The following ATXN7L1 variants were observed in gnomAD, a reference collection of about 807,000 sequenced individuals.
ATXN7L1 encodes the protein ataxin 7 like 1.
In ATXN7L1, 15 loss-of-function variants were observed where a neutral mutation model predicts 70.8. That is an observed-to-expected ratio of 0.21 (90% CI 0.14 to 0.33). The LOEUF is 0.33. ATXN7L1 is among the 10% of genes least tolerant of loss of function. The pLI is 1.00. For missense variants in ATXN7L1, 975 were observed against 1,097.1 expected (o/e 0.89, Z 1.57); for synonymous variants, 440 against 445.1 (o/e 0.99, Z 0.14).
chr7:105,733,865 T>TCCAC (rs1563049708), intron 3 of ATXN7L1, among the ~76,000 whole-genome samples: 1 of 87,940 alleles, frequency 1.1e-5, no homozygotes. Flanking sequence ...CATCCATCCA[T>TCCAC]CCATCCATCC....
chr7:105,619,249 G>A (rs928915222), intron 9 of ATXN7L1, among the ~76,000 whole-genome samples: 1 of 142,358 alleles, frequency 7.0e-6, no homozygotes, highest in East Asian at 2.2e-4. Context: ...CCGGGTTCAA[G>A]CGATTCTCCT....
intron 3 of ATXN7L1, among the ~76,000 whole-genome samples, chr7:105,739,121 GA>G (rs1797729030): frequency 1.3e-5 from 2 of 152,180 alleles, no homozygotes; most frequent in South Asian, 4.1e-4. Context: ...CAGAGGTGTG[GA>G]AATCTTCAGG....
chr7:105,819,389 C>T, intron 2 of ATXN7L1: 3 of 489,406 alleles, frequency 6.1e-6, no homozygotes, highest in South Asian at 6.1e-5. Flanking sequence ...GGATATTTAA[C>T]AATAAAAAAT....
chr7:105,757,738 C>A (rs1474400767), intron 3 of ATXN7L1, among the ~76,000 whole-genome samples: 1 of 147,820 alleles, frequency 6.8e-6, no homozygotes, highest in Non-Finnish European at 1.5e-5. Flanking sequence ...ATGCAAAACC[C>A]CGCCTGGCTA....
At chr7:105,823,683 G>T (rs1810468871) in intron 2 of ATXN7L1, among the ~76,000 whole-genome samples, 1 of 152,152 alleles carries the variant, frequency 6.6e-6, no homozygotes, top group Non-Finnish European at 1.5e-5. Context: ...TAAAATGATG[G>T]TAAAGAAGTG....
chr7:105,655,781 C>T (rs902337007), intron 4 of ATXN7L1, among the ~76,000 whole-genome samples: 3 of 152,232 alleles, frequency 2.0e-5, no homozygotes, highest in African/African-American at 7.2e-5. Context: ...CTTACACTCC[C>T]TCAGCCCCAG....
At chr7:105,738,822 C>A (rs1015387189) in intron 3 of ATXN7L1, among the ~76,000 whole-genome samples, 2 of 152,208 alleles carry the variant, frequency 1.3e-5, no homozygotes, top group African/African-American at 2.4e-5. Context: ...ACCTTTGCAT[C>A]CCATCCAGTT....
chr7:105,620,170 T>C (rs1197972403), intron 9 of ATXN7L1, 30 bp downstream of exon 9: 1 of 1,549,632 alleles, frequency 6.5e-7, no homozygotes, highest in Non-Finnish European at 8.7e-7. Context: ...GCAGCTTGGA[T>C]CTTATATTGC....
chr7:105,662,082 C>CCTTCCTTCCTTCCTTCTTTCT (rs1554414718), intron 4 of ATXN7L1, among the ~76,000 whole-genome samples: 1 of 78,820 alleles, frequency 1.3e-5, no homozygotes. Context: ...TTCCTTCCTT[C>CCTTCCTTCCTTCCTTCTTTCT]TTTCTTTTCT....
At position 105,607,735 on chromosome 7, in the gene ATXN7L1, G is replaced by T; in HGVS notation, c.*117C>A. Reference sequence around the variant, plus strand: ...GAAGAAGAAAGGCCAGAGTCACAGGGAGTGCACAGAAAACAGACTCTCCCC... The same window carrying T: ...GAAGAAGAAAGGCCAGAGTCACAGGTAGTGCACAGAAAACAGACTCTCCCC... On this transcript the variant is annotated 3_prime_UTR_variant, in exon 12 of 12. Transcript: ENST00000419735. 1.2e-6 allele frequency: 1 copy of T among 845,376 alleles called. No homozygotes were observed. Among genetic ancestry groups the T allele is most frequent in the South Asian group, 1.6e-5 (1 of 63,996 alleles). The allele number at this position is 845,376 out of a possible 1,614,324, so 52.4% of individuals were successfully genotyped here. A position where few individuals can be genotyped will look rare whatever the true frequency, so the allele number is the denominator to read the frequency against.
In ATXN7L1 at chr7:105,614,913, C is replaced by T. The variant is rs1793646901; in HGVS notation, c.1518-97G>A. ...GTTTGAGGATCAGGGCTACAGAGGA[C>T]ACCCCGGCAGAACCAGACTATGGAG... On this transcript the variant is annotated intron_variant, in intron 9 of 11. Transcript: ENST00000419735. The surrounding 1 kb of genome is among the most constrained non-coding windows in gnomAD (Gnocchi z 4.3). 3 of 1,389,520 alleles carry T rather than the reference C, an allele frequency of 2.2e-6. No individual in the cohort carries two copies. The highest frequency in any genetic ancestry group is 1.5e-5 in the African/African-American group (1 of 68,828). The allele number at this position is 1,389,520 out of a possible 1,614,324, so 86.1% of individuals were successfully genotyped here.
In ATXN7L1 at chr7:105,619,112, T is replaced by C. The variant is rs376922531; in HGVS notation, c.1517+1088A>G. 2.0e-4 allele frequency among the ~76,000 whole-genome samples: 28 copies of C among 141,090 alleles called. No homozygotes were observed. In the East Asian group the frequency reaches 2.6e-3, roughly 13 times the overall value. 92.6% of individuals were successfully genotyped at this position (141,090 alleles called of 152,430 possible). A position where few individuals can be genotyped will look rare whatever the true frequency, so the allele number is the denominator to read the frequency against. On this transcript the variant is annotated intron_variant, in intron 9 of 11. Transcript: ENST00000419735. ...ACAGCAAACAACTAGAAATTAGCAA[T>C]TGGTCCACAACCATAATGAAATCTT... is the stretch of plus-strand genomic sequence containing the variant.
intron 3 of ATXN7L1, among the ~76,000 whole-genome samples, chr7:105,782,732 A>G (rs575551798): frequency 2.0e-5 from 3 of 152,250 alleles, no homozygotes; most frequent in Non-Finnish European, 2.9e-5. Context: ...ATAGGGGCCT[A>G]ATGTGAATGT....
Position 105,607,873 on chromosome 7 carries a change from G to A in ATXN7L1, c.2565C>T (p.Gly855=), listed in dbSNP as rs1792826598. ...CTTGTTATGGAAGAGTCCTTATCCT[G>A]CCCGTTCTGTTTGTGTTCTTCTAGG... The part of the protein sequence containing the change: ...GHSRQNTNRT[G]RIRTLP The change falls in exon 12 of 12, where the codon GGC becomes GGT. Residue 855 remains glycine, a synonymous_variant. Coordinates refer to ENST00000419735, the MANE Select transcript of ATXN7L1 (RefSeq NM_020725.2). The A allele has an allele frequency of 1.3e-6, 2 of 1,551,794 alleles. No individual in the cohort carries two copies. Among genetic ancestry groups the A allele is most frequent in the Non-Finnish European group, 8.7e-7 (1 of 1,146,974 alleles).
intron 2 of ATXN7L1, among the ~76,000 whole-genome samples, chr7:105,865,327 A>T (rs190376831): frequency 2.0e-5 from 3 of 152,360 alleles, no homozygotes; most frequent in African/African-American, 7.2e-5. Flanking sequence ...ATGCTCCATT[A>T]AACTCCCAAG....
chr7:105,806,379 G>A (rs1049528214), intron 2 of ATXN7L1, among the ~76,000 whole-genome samples: 9 of 152,146 alleles, frequency 5.9e-5, no homozygotes, highest in African/African-American at 1.7e-4. Context: ...CACCCTGATC[G>A]TGGGTGTCAG....
At chr7:105,856,188 C>T (rs1318429333) in intron 2 of ATXN7L1, among the ~76,000 whole-genome samples, 3 of 152,210 alleles carry the variant, frequency 2.0e-5, no homozygotes, top group African/African-American at 4.8e-5. Context: ...GTGGGGTTTA[C>T]ACCTGTTTGT....
chr7:105,720,476 T>G (rs1584825234), intron 3 of ATXN7L1, among the ~76,000 whole-genome samples: 1 of 152,268 alleles, frequency 6.6e-6, no homozygotes, highest in East Asian at 1.9e-4. Flanking sequence ...AGCAGTGCAG[T>G]GTTGTGATCA....
chr7:105,637,950 C>T (rs1371536727), intron 7 of ATXN7L1, among the ~76,000 whole-genome samples: 2 of 152,166 alleles, frequency 1.3e-5, no homozygotes, highest in Non-Finnish European at 2.9e-5. Context: ...CTACTCCGCT[C>T]CAGGAATCGT....
Sources: allele counts gnomAD v4.1 joint callset (sites outside exome capture counted in the v4.1 genomes callset), GRCh38; gene constraint gnomAD v4.1.1; non-coding constraint Gnocchi (gnomAD v3.1); transcripts MANE v1.5; gene names NCBI Gene and HGNC (gene_info 2026-07-23, HGNC 2026-07-21).